Variants in EBP observed in about 807,000 individuals in gnomAD.
EBP encodes the protein EBP cholestenol delta-isomerase.
Under a neutral mutation model 14.1 loss-of-function variants are expected in EBP, and 1 was observed. That is an observed-to-expected ratio of 0.07 (90% confidence interval 0.03 to 0.34). EBP has a LOEUF of 0.34. Among genes scored for constraint, EBP ranks in the 10% least tolerant of loss-of-function variants. EBP has a pLI of 0.99. For missense variants in EBP, 123 were observed against 184.6 expected (o/e 0.67, Z 1.93); for synonymous variants, 72 against 77.7 (o/e 0.93, Z 0.38).
In EBP at chrX:48,523,729, T is replaced by TTTTTTTA; in HGVS notation, c.-43_-42insTTTTTTA. The TTTTTTTA allele has an allele frequency of 1.9e-6, 2 of 1,042,311 alleles. No homozygotes were observed. Among genetic ancestry groups the TTTTTTTA allele is most frequent in the Non-Finnish European group, 2.6e-6 (2 of 777,463 alleles). 85.9% of individuals were successfully genotyped at this position (1,042,311 alleles called of 1,213,427 possible). On this transcript the variant is annotated 5_prime_UTR_variant, in exon 2 of 5. Coordinates refer to ENST00000495186, the MANE Select transcript of EBP (RefSeq NM_006579.3). ...TCTGTTCCTTTTTTTTTTTTTTTTT[T>TTTTTTTA]AACTTCCTGCCTATACACACGCAGC...
intron 4 of EBP, 59 bp downstream of exon 4, chrX:48,527,344 G>A: frequency 8.3e-7 from 1 of 1,204,965 alleles, no homozygotes. Flanking sequence ...GGGATCCACA[G>A]ACACAGATGT....
chrX:48,528,487 C>A lies in EBP; in HGVS notation c.*30C>A. On this transcript the variant is annotated 3_prime_UTR_variant, in exon 5 of 5. Transcript: ENST00000495186. Reference sequence around the variant, plus strand: ...TGGTGGACCAGGCTCGAACACTGGCCGAGGAGGAGCTCTCTGCCTGCCAGA... The same window carrying A: ...TGGTGGACCAGGCTCGAACACTGGCAGAGGAGGAGCTCTCTGCCTGCCAGA... 1.8e-6 allele frequency: 2 copies of A among 1,110,867 alleles called. No homozygotes were observed. Among genetic ancestry groups the A allele is most frequent in the Non-Finnish European group, 2.4e-6 (2 of 825,826 alleles). The allele number at this position is 1,110,867 out of a possible 1,213,427, so 91.5% of individuals were successfully genotyped here.
chrX:48,522,706 TC>T (rs781955742), intron 1 of EBP, among the ~76,000 whole-genome samples: 2 of 112,513 alleles, frequency 1.8e-5, no homozygotes, highest in South Asian at 7.3e-4. Flanking sequence ...AGAGTCTCGC[TC>T]TGTTGCCCAG....
rs990123507 is a variant in EBP, at chrX:48,528,611, T to C, written c.*154T>C. On this transcript the variant is annotated 3_prime_UTR_variant, in exon 5 of 5. Transcript: ENST00000495186. ...CACAAGAAGGGGAATAAAGGGGCTG[T>C]GTGAAGGCACTGCTGGGAGCCATTA... 1 of 530,514 alleles carries C rather than the reference T, an allele frequency of 1.9e-6. No homozygotes were observed. Among genetic ancestry groups the C allele is most frequent in the Non-Finnish European group, 3.2e-6 (1 of 310,955 alleles). 43.7% of individuals were successfully genotyped at this position (530,514 alleles called of 1,213,427 possible). A position where few individuals can be genotyped will look rare whatever the true frequency, so the allele number is the denominator to read the frequency against.
chrX:48,526,191 A>G (rs1487270931), intron 2 of EBP, among the ~76,000 whole-genome samples: 2 of 106,931 alleles, frequency 1.9e-5, no homozygotes, highest in African/African-American at 6.8e-5. Context: ...TGTGAGTGAT[A>G]TCTCATTATG....
chrX:48,525,571 G>A lies in EBP; in HGVS notation c.302-1418G>A, dbSNP rs566267459. Among the ~76,000 whole-genome samples the A allele has an allele frequency of 4.3e-4, 46 of 107,797 alleles. No individual in the cohort carries two copies. The South Asian group carries it at 0.011, about 25-fold the overall frequency. 93.6% of individuals were successfully genotyped at this position (107,797 alleles called of 115,157 possible). ...ACAACTTTTTTTTTTAAGAGATGGC[G>A]TCTTGCTTTGTTGCCCAGGCTGTTC... On this transcript the variant is annotated intron_variant, in intron 2 of 4. Coordinates refer to ENST00000495186, the MANE Select transcript of EBP (RefSeq NM_006579.3).
At chrX:48,525,779 C>G (rs1304928569) in intron 2 of EBP, among the ~76,000 whole-genome samples, 1 of 109,962 alleles carries the variant, frequency 9.1e-6, no homozygotes, top group African/African-American at 3.3e-5. Flanking sequence ...GGGCATTTTC[C>G]CTCAATCTTC....
chrX:48,523,839 C>T lies in EBP; in HGVS notation c.68C>T (p.Pro23Leu), dbSNP rs2061771236. Reference protein sequence around the residue: ...PQHLRLDNFVPNDRPTWHILA... With the variant: ...PQHLRLDNFVLNDRPTWHILA... ...CACCTAAGACTGGACAACTTTGTAC[C>T]TAATGACCGCCCCACCTGGCATATA... The change falls in exon 2 of 5, where the codon CCT (proline) becomes CTT (leucine). Residue 23 changes from proline to leucine, a missense_variant. Transcript: ENST00000495186. 3 of 1,207,639 alleles carry T rather than the reference C, an allele frequency of 2.5e-6. No individual in the cohort carries two copies. Among genetic ancestry groups the T allele is most frequent in the African/African-American group, 3.5e-5 (2 of 56,455 alleles).
At position 48,527,038 on chromosome X, in the gene EBP, C is replaced by T; in HGVS notation, c.338+13C>T. ...GCCGATACATCCTGTAAGTGTTTGC[C>T]TCTGTCAATGGAGACTGGCATTGGT... On this transcript the variant is annotated intron_variant, in intron 3 of 4. Transcript: ENST00000495186. 1 of 1,211,649 alleles carries T rather than the reference C, an allele frequency of 8.3e-7. No homozygotes were observed. The highest frequency in any genetic ancestry group is 3.0e-5 in the East Asian group (1 of 33,865).
At position 48,523,711 on chromosome X, in the gene EBP, CTTTTT is replaced by C. The variant is rs782299900; in HGVS notation, c.-47_-43del. Reference sequence around the variant, plus strand: ...TCTATTTGTCCAGGTTTTTCTGTTCCTTTTTTTTTTTTTTTTTTAACTTCCTGCCT... The same window carrying C: ...TCTATTTGTCCAGGTTTTTCTGTTCCTTTTTTTTTTTTTAACTTCCTGCCT... On this transcript the variant is annotated 5_prime_UTR_variant, in exon 2 of 5. Coordinates refer to ENST00000495186, the MANE Select transcript of EBP (RefSeq NM_006579.3). 1.6e-4 allele frequency: 137 copies of C among 859,311 alleles called. No individual in the cohort carries two copies. Among genetic ancestry groups the C allele is most frequent in the Non-Finnish European group, 1.8e-4 (113 of 631,990 alleles). 70.8% of individuals were successfully genotyped at this position (859,311 alleles called of 1,213,427 possible). A position where few individuals can be genotyped will look rare whatever the true frequency, so the allele number is the denominator to read the frequency against.
In EBP at chrX:48,523,955, C is replaced by A. The variant is rs372974717; in HGVS notation, c.184C>A (p.Arg62=). 1 of 1,209,080 alleles carries A rather than the reference C, an allele frequency of 8.3e-7. No homozygotes were observed. Among genetic ancestry groups the A allele is most frequent in the African/African-American group, 1.8e-5 (1 of 56,844 alleles). The stretch of plus-strand genomic sequence containing the variant: ...TGCGGTTGTCCCATTGGGGACTTGG[C>A]GGCGACTGTCCCTGTGCTGGTTTGC... ...RAAVVPLGTW[R]RLSLCWFAVC... The change falls in exon 2 of 5, where the codon CGG becomes AGG. Residue 62 remains arginine (R), a synonymous_variant. Coordinates refer to ENST00000495186, the MANE Select transcript of EBP (RefSeq NM_006579.3).
intron 4 of EBP, among the ~76,000 whole-genome samples, chrX:48,527,840 A>C (rs1387521201): frequency 1.8e-5 from 2 of 111,932 alleles, no homozygotes; most frequent in Non-Finnish European, 3.8e-5. Context: ...TCCTGAGCTC[A>C]AACAGTCCTC....
chrX:48,523,553 GAAA>G (rs782437115), intron 1 of EBP, 143 bp from the exon 2 acceptor site: 195 of 270,883 alleles, frequency 7.2e-4, no homozygotes, highest in Middle Eastern at 1.1e-3. Context: ...GACTCCGTCT[GAAA>G]AAAAAAAAAA....
chrX:48,521,970 C>T (rs1484301927), intron 1 of EBP, 63 bp downstream of exon 1: 1 of 109,446 alleles, frequency 9.1e-6, no homozygotes, highest in African/African-American at 3.4e-5. Flanking sequence ...GCGGCCAGCC[C>T]TCGGCGTGCC....
chrX:48,528,302 G>A lies in EBP; in HGVS notation c.538G>A (p.Gly180Ser), dbSNP rs782427747. The A allele has an allele frequency of 6.6e-6, 8 of 1,209,622 alleles. No homozygotes were observed. The highest frequency in any genetic ancestry group is 2.2e-5 in the Admixed American group (1 of 45,674). Residue 180 changes from glycine to serine, a missense_variant, in exon 5 of 5, where the codon GGC (glycine) becomes AGC (serine). Coordinates refer to ENST00000495186, the MANE Select transcript of EBP (RefSeq NM_006579.3). ...CGACGGATTCCAGCACGGAGAGCTG[G>A]GCCACCCTCTCTACTTCTGGTTTTA... ...HRDGFQHGELGHPLYFWFYFV... is the reference protein window; with the variant it reads ...HRDGFQHGELSHPLYFWFYFV...
chrX:48,527,116 C>T (rs782074263), intron 3 of EBP, 39 bp from the exon 4 acceptor site: 1 of 1,211,638 alleles, frequency 8.3e-7, no homozygotes, highest in Non-Finnish European at 1.1e-6. Flanking sequence ...GTAGGAAGAG[C>T]ACACCGATAC....
intron 2 of EBP, chrX:48,524,353 C>T (rs2147154950): frequency 4.7e-6 from 1 of 210,605 alleles, no homozygotes; most frequent in Non-Finnish European, 8.7e-6. Flanking sequence ...ATTAGCCAGG[C>T]GCGGTGGCTC....
rs781863507 is a variant in EBP, at chrX:48,528,188, TC to T, written c.470-42del. The T allele has an allele frequency of 1.5e-5, 17 of 1,110,323 alleles. No individual in the cohort carries two copies. The Admixed American group carries it at 3.5e-4, about 23-fold the overall frequency. The allele number at this position is 1,110,323 out of a possible 1,213,427, so 91.5% of individuals were successfully genotyped here. A position where few individuals can be genotyped will look rare whatever the true frequency, so the allele number is the denominator to read the frequency against. ...TTGGAATAGAGAATTGGCGAAAGTG[TC>T]CCCTTCCTCACTGGGGCTTCTCCTT... On this transcript the variant is annotated intron_variant, in intron 4 of 4. Transcript: ENST00000495186.
intron 4 of EBP, among the ~76,000 whole-genome samples, chrX:48,528,002 A>C (rs1332975219): frequency 1.8e-5 from 2 of 111,894 alleles, no homozygotes; most frequent in African/African-American, 6.5e-5. Context: ...GGATTTGAGG[A>C]TTTTGAACTT....
Sources: gnomAD v4.1 joint callset for allele counts (sites outside exome capture counted in the v4.1 genomes callset) on GRCh38, gnomAD v4.1.1 for gene constraint, MANE v1.5 for transcripts, NCBI Gene and HGNC (gene_info 2026-07-23, HGNC 2026-07-21) for gene names.